Variants in ACAD9 observed in about 807,000 individuals in gnomAD.
ACAD9 encodes acyl-CoA dehydrogenase family member 9, also known as complex I assembly factor ACAD9, mitochondrial.
In ACAD9, 53 loss-of-function variants were observed where a neutral mutation model predicts 70.2. The ratio of observed to expected loss-of-function variants is 0.75; its 90% CI spans 0.61 to 0.95. The LOEUF (loss-of-function observed/expected upper bound fraction) is 0.95, where lower values mean the gene tolerates loss of function less well. Ranked by LOEUF, ACAD9 falls within the 40% of genes least tolerant of loss-of-function variation. The pLI is 0.00. For missense variants in ACAD9, 777 were observed against 802.8 expected (o/e 0.97, Z 0.39); for synonymous variants, 313 against 312.1 (o/e 1.00, Z -0.03).
Position 128,891,600 on chromosome 3 carries a change from G to C in ACAD9, c.245-1955G>C, listed in dbSNP as rs113816902. Among the ~76,000 whole-genome samples the C allele has an allele frequency of 4.7e-3, 715 of 152,278 alleles. 3 individuals carry two copies. Among genetic ancestry groups the C allele is most frequent in the African/African-American group, 0.016 (671 of 41,562 alleles). ...CACATCACTGTACTCCAGCTTGGGC[G>C]ACAGAGCGAGACTCCATCTCGAAAA... On this transcript the variant is annotated intron_variant, in intron 2 of 17. Transcript: ENST00000308982.
intron 11 of ACAD9, among the ~76,000 whole-genome samples, chr3:128,904,839 C>T (rs1935841806): frequency 6.6e-6 from 1 of 152,136 alleles, no homozygotes; most frequent in Non-Finnish European, 1.5e-5. Context: ...GGTATCAAAA[C>T]TTTATCTTAA....
chr3:128,907,212 C>T (rs1054403619), intron 12 of ACAD9, among the ~76,000 whole-genome samples: 4 of 152,088 alleles, frequency 2.6e-5, no homozygotes, highest in Non-Finnish European at 5.9e-5. Context: ...TCTCCTGGGC[C>T]GTCCTGCCCA....
chr3:128,910,017 C>T lies in ACAD9; in HGVS notation c.1564-4C>T, dbSNP rs2107664237. On this transcript the variant is annotated splice_polypyrimidine_tract_variant and splice_region_variant and intron_variant, in intron 15 of 17. Coordinates refer to ENST00000308982, the MANE Select transcript of ACAD9 (RefSeq NM_014049.5). ...GTCCCCACTTGGAGCCTCTGTGATC[C>T]CAGACCATCATGGAGGAGCAGCTGG... The T allele has an allele frequency of 6.2e-7, 1 of 1,613,346 alleles. No homozygotes were observed. The highest frequency in any genetic ancestry group is 2.2e-5 in the East Asian group (1 of 44,874).
At chr3:128,903,304 A>G (rs1420058998) in intron 9 of ACAD9, among the ~76,000 whole-genome samples, 1 of 152,138 alleles carries the variant, frequency 6.6e-6, no homozygotes, top group African/African-American at 2.4e-5. Context: ...TTTAGAGATG[A>G]GAAGACAGAG....
chr3:128,896,398 C>A, intron 4 of ACAD9, 38 bp from the exon 5 acceptor site: 1 of 1,588,856 alleles, frequency 6.3e-7, no homozygotes, highest in Non-Finnish European at 8.6e-7. Flanking sequence ...TCTCCTTTCT[C>A]CCCACAGCTG....
At chr3:128,897,605 C>A in intron 5 of ACAD9, 27 bp from the exon 6 acceptor site, 2 of 1,606,474 alleles carry the variant, frequency 1.2e-6, no homozygotes, top group Non-Finnish European at 8.5e-7. Context: ...AGTATTCTCC[C>A]TTGACCACAT....
intron 7 of ACAD9, among the ~76,000 whole-genome samples, chr3:128,900,266 C>G (rs1025275981): frequency 6.6e-6 from 1 of 152,048 alleles, no homozygotes; most frequent in Non-Finnish European, 1.5e-5. Flanking sequence ...GAGACGGAGT[C>G]TCGCTCTGTC....
chr3:128,887,071 C>T (rs1302008538), intron 2 of ACAD9, among the ~76,000 whole-genome samples: 2 of 151,802 alleles, frequency 1.3e-5, no homozygotes, highest in African/African-American at 2.4e-5. Flanking sequence ...AATTATAGCA[C>T]GCACCGCCAC....
intron 1 of ACAD9, among the ~76,000 whole-genome samples, chr3:128,884,310 TA>T (rs1935182047): frequency 1.3e-5 from 2 of 152,338 alleles, no homozygotes; most frequent in South Asian, 2.1e-4. Flanking sequence ...ACATAATGAG[TA>T]AGCCTGAAAT....
chr3:128,903,521 C>T (rs1431516539), intron 9 of ACAD9, among the ~76,000 whole-genome samples: 4 of 152,084 alleles, frequency 2.6e-5, no homozygotes, highest in South Asian at 2.1e-4. Context: ...TATGGCGGGG[C>T]GGGGGTGCTT....
chr3:128,895,757 C>G (rs901447753), intron 4 of ACAD9, among the ~76,000 whole-genome samples: 1 of 152,162 alleles, frequency 6.6e-6, no homozygotes. Context: ...TGAGCATGCC[C>G]CCACTCTTTA....
rs778527347 is a variant in ACAD9 at position 128,913,078 on chromosome 3, AC to A, written c.*472del. 2.2e-6 allele frequency: 1 copy of A among 453,880 alleles called. No individual in the cohort carries two copies. The highest frequency in any genetic ancestry group is 1.6e-5 in the South Asian group (1 of 64,480). 28.1% of individuals were successfully genotyped at this position (453,880 alleles called of 1,614,324 possible). The stretch of plus-strand genomic sequence containing the variant: ...TAAAACATGTACCAGGAACCATTTA[AC>A]AAAGAATATAAAATGTCACAATCTG... On this transcript the variant is annotated 3_prime_UTR_variant, in exon 18 of 18. Transcript: ENST00000308982.
At position 128,906,211 on chromosome 3, in the gene ACAD9, C is replaced by A. The variant is rs777282696; in HGVS notation, c.1240C>A (p.Arg414Ser). 1 of 1,614,218 alleles carries A rather than the reference C, an allele frequency of 6.2e-7. No homozygotes were observed. The highest frequency in any genetic ancestry group is 8.5e-7 in the Non-Finnish European group (1 of 1,180,042). Residue 414 changes from arginine (R) to serine (S), a missense_variant, in exon 12 of 18, where the codon CGC becomes AGC. Arg to Ser is a moderately radical substitution (Grantham distance 110). Transcript: ENST00000308982. ...LGYTRDYPYE[R>S]ILRDTRILLI... is the part of the protein sequence containing the mutation. ...CTACACAAGGGACTATCCGTACGAG[C>A]GCATACTGCGTGACACCCGCATCCT... is the stretch of plus-strand genomic sequence containing the variant.
intron 17 of ACAD9, among the ~76,000 whole-genome samples, chr3:128,911,218 G>A (rs547484904): frequency 5.6e-4 from 85 of 152,034 alleles, no homozygotes; most frequent in African/African-American, 1.6e-3. Context: ...CACCACGCCC[G>A]GCTAATTTTT....
chr3:128,900,261 G>A (rs993853787), intron 7 of ACAD9, among the ~76,000 whole-genome samples: 2 of 151,530 alleles, frequency 1.3e-5, no homozygotes, highest in Non-Finnish European at 2.9e-5. Flanking sequence ...TTTTTGAGAC[G>A]GAGTCTCGCT....
intron 17 of ACAD9, 125 bp downstream of exon 17, chr3:128,910,938 G>A (rs1474848632): frequency 8.3e-7 from 1 of 1,206,902 alleles, no homozygotes; most frequent in Non-Finnish European, 1.2e-6. Flanking sequence ...TCTGCCTTGA[G>A]CGAGGGCCTG....
chr3:128,903,129 C>T (rs1935789407), intron 9 of ACAD9, among the ~76,000 whole-genome samples: 1 of 152,180 alleles, frequency 6.6e-6, no homozygotes, highest in African/African-American at 2.4e-5. Context: ...ATACCCCAAA[C>T]CTCCATTTTC....
chr3:128,890,859 T>TG (rs1176663887), intron 2 of ACAD9, among the ~76,000 whole-genome samples: 1 of 151,648 alleles, frequency 6.6e-6, no homozygotes, highest in Non-Finnish European at 1.5e-5. Flanking sequence ...TTTTTTTTTT[T>TG]GAGACGAAGT....
chr3:128,912,344 C>T (rs192351611), intron 17 of ACAD9, among the ~76,000 whole-genome samples, 163 bp from the exon 18 acceptor site: 47 of 152,308 alleles, frequency 3.1e-4, no homozygotes, highest in Admixed American at 2.1e-3. Context: ...CTTTCTCTCC[C>T]TGCAGCCCTG....
Sources: allele counts gnomAD v4.1 joint callset (sites outside exome capture counted in the v4.1 genomes callset), GRCh38; gene constraint gnomAD v4.1.1; transcripts MANE v1.5; gene names NCBI Gene and HGNC (gene_info 2026-07-23, HGNC 2026-07-21).